Variants in SEPHS1 observed in about 807,000 individuals in gnomAD.
SEPHS1 encodes the protein zincore component SEPHS1.
Under a neutral mutation model 39.2 loss-of-function variants are expected in SEPHS1, and 7 were observed. The ratio of observed to expected loss-of-function variants is 0.18; its 90% CI spans 0.10 to 0.34. The LOEUF (loss-of-function observed/expected upper bound fraction) is 0.34. SEPHS1 is among the 10% of genes least tolerant of loss of function. SEPHS1 has a pLI of 1.00. For missense variants in SEPHS1, 253 were observed against 514.5 expected, an observed-to-expected ratio of 0.49 and a Z score of 4.92; for synonymous variants, 190 against 195.5, an observed-to-expected ratio of 0.97 and a Z score of 0.23.
chr10:13,320,752 G>A (rs1054564699), intron 8 of SEPHS1, among the ~76,000 whole-genome samples: 13 of 152,004 alleles, frequency 8.6e-5, no homozygotes, highest in African/African-American at 1.9e-4. Flanking sequence ...CGCTTGAACC[G>A]GGGAGGGGGA....
At chr10:13,345,183 T>C (rs899687618) in intron 1 of SEPHS1, 155 bp from the exon 2 acceptor site, 8 of 376,344 alleles carry the variant, frequency 2.1e-5, no homozygotes, top group Admixed American at 9.1e-5. Flanking sequence ...TATGACAAAA[T>C]AGATCTTTTC....
chr10:13,334,651 T>G (rs1342700089), intron 4 of SEPHS1, among the ~76,000 whole-genome samples: 1 of 152,062 alleles, frequency 6.6e-6, no homozygotes, highest in East Asian at 1.9e-4. Flanking sequence ...CTGAGGCTGC[T>G]GCAGTGAGCT....
chr10:13,344,423 C>T (rs1833872696), intron 2 of SEPHS1, among the ~76,000 whole-genome samples: 1 of 151,910 alleles, frequency 6.6e-6, no homozygotes, highest in Non-Finnish European at 1.5e-5. Flanking sequence ...GTCAAGAGTA[C>T]CCCTCTTGAT....
chr10:13,338,209 G>C (rs1172693296), intron 3 of SEPHS1, among the ~76,000 whole-genome samples: 1 of 152,176 alleles, frequency 6.6e-6, no homozygotes, highest in Non-Finnish European at 1.5e-5. Flanking sequence ...GCTGGGTTGA[G>C]TGAATTAACC....
chr10:13,335,680 AT>A (rs1038989581), intron 4 of SEPHS1, among the ~76,000 whole-genome samples: 2 of 136,266 alleles, frequency 1.5e-5, no homozygotes, highest in Admixed American at 1.5e-4. Context: ...ACAAAAAAAA[AT>A]ATACACAAAT....
chr10:13,347,239 G>A (rs1311098742), intron 1 of SEPHS1: 4 of 151,844 alleles, frequency 2.6e-5, no homozygotes, highest in Admixed American at 6.6e-5. Flanking sequence ...GGTCAGCGGG[G>A]TGGGCCCGGC....
chr10:13,336,305 C>T lies in SEPHS1; in HGVS notation c.343G>A (p.Gly115Arg). ...ANVLSDLYAM[G>R]VTECDNMLML... ...AGCATATTGTCACATTCCGTGACCCCCATTGCATAGAGGTCACTGAGGACA... is the reference window on the plus strand; with the variant it reads ...AGCATATTGTCACATTCCGTGACCCTCATTGCATAGAGGTCACTGAGGACA... The change falls in exon 4 of 9, where the codon GGG becomes AGG. Residue 115 changes from glycine (G) to arginine (R), a missense_variant. Transcript: ENST00000327347. 1 of 1,614,038 alleles carries T rather than the reference C, an allele frequency of 6.2e-7. No homozygotes were observed. The highest frequency in any genetic ancestry group is 8.5e-7 in the Non-Finnish European group (1 of 1,179,960).
At chr10:13,330,616 G>C (rs2130659284) in intron 5 of SEPHS1, among the ~76,000 whole-genome samples, 1 of 152,176 alleles carries the variant, frequency 6.6e-6, no homozygotes, top group African/African-American at 2.4e-5. Context: ...GGCCTCCTCA[G>C]GTACTCACCC....
At chr10:13,333,528 C>G (rs1013450108) in intron 5 of SEPHS1, among the ~76,000 whole-genome samples, 8 of 151,928 alleles carry the variant, frequency 5.3e-5, no homozygotes, top group African/African-American at 1.9e-4. Context: ...GCAACCTCCA[C>G]CCCTGGGGTT....
chr10:13,344,722 G>C (rs757245816), intron 2 of SEPHS1, 36 bp downstream of exon 2: 24 of 1,389,148 alleles, frequency 1.7e-5, no homozygotes, highest in Admixed American at 7.7e-5. Context: ...TCACTGATTG[G>C]ATCGCAGACC....
intron 7 of SEPHS1, among the ~76,000 whole-genome samples, chr10:13,326,723 G>A (rs1177453738): frequency 6.6e-6 from 1 of 151,908 alleles, no homozygotes; most frequent in Non-Finnish European, 1.5e-5. Context: ...GAGACGAGAT[G>A]GGGTCTCACT....
At chr10:13,347,762 C>T (rs1027508221) in intron 1 of SEPHS1, among the ~76,000 whole-genome samples, 16 of 145,168 alleles carry the variant, frequency 1.1e-4, no homozygotes, top group African/African-American at 4.0e-4. Context: ...GCCCTCCCTC[C>T]CTCCTTCCCC....
intron 8 of SEPHS1, among the ~76,000 whole-genome samples, chr10:13,320,242 T>C (rs544760329): frequency 3.8e-4 from 58 of 151,998 alleles, no homozygotes; most frequent in Middle Eastern, 3.4e-3. Flanking sequence ...ATTGCAGTGG[T>C]GTGATCTCGG....
At chr10:13,322,345 C>G (rs1833143021) in intron 8 of SEPHS1, among the ~76,000 whole-genome samples, 1 of 151,840 alleles carries the variant, frequency 6.6e-6, no homozygotes, top group Non-Finnish European at 1.5e-5. Flanking sequence ...GGGGTTTCAC[C>G]ATGTTGGCCA....
At chr10:13,321,531 G>C (rs1833116514) in intron 8 of SEPHS1, among the ~76,000 whole-genome samples, 2 of 152,130 alleles carry the variant, frequency 1.3e-5, no homozygotes, top group African/African-American at 2.4e-5. Flanking sequence ...GGCCTGGCCG[G>C]CATGTGTATA....
chr10:13,326,021 A>T (rs1833277489), intron 7 of SEPHS1, among the ~76,000 whole-genome samples: 1 of 151,728 alleles, frequency 6.6e-6, no homozygotes, highest in East Asian at 1.9e-4. Context: ...TATTTATAGC[A>T]GTGTGAAAAC....
In SEPHS1 at chr10:13,344,983, C is replaced by T; in HGVS notation, c.-33G>A. 7.1e-7 allele frequency: 1 copy of T among 1,414,070 alleles called. No individual in the cohort carries two copies. Among genetic ancestry groups the T allele is most frequent in the East Asian group, 2.7e-5 (1 of 37,700 alleles). 87.6% of individuals were successfully genotyped at this position (1,414,070 alleles called of 1,614,324 possible). ...GGGCCCCGCTCTCCTCACAGCTCAGCCCCTCCCCTCCCTCTGCGGGTTGGC... is the reference window on the plus strand; with the variant it reads ...GGGCCCCGCTCTCCTCACAGCTCAGTCCCTCCCCTCCCTCTGCGGGTTGGC... On this transcript the variant is annotated 5_prime_UTR_variant, in exon 2 of 9. Transcript: ENST00000327347.
intron 5 of SEPHS1, among the ~76,000 whole-genome samples, chr10:13,330,431 T>C (rs1476168693): frequency 2.0e-5 from 3 of 152,142 alleles, no homozygotes; most frequent in Non-Finnish European, 2.9e-5. Flanking sequence ...GCCTTGGTGG[T>C]CCCTGTCTTA....
At chr10:13,329,860 G>T in intron 5 of SEPHS1, 72 bp from the exon 6 acceptor site, 1 of 1,237,912 alleles carries the variant, frequency 8.1e-7, no homozygotes, top group Non-Finnish European at 1.2e-6. Flanking sequence ...TAACACAAGA[G>T]AAGGAATAAT....
Sources: gnomAD v4.1 joint callset for allele counts (sites outside exome capture counted in the v4.1 genomes callset) on GRCh38, gnomAD v4.1.1 for gene constraint, MANE v1.5 for transcripts, NCBI Gene and HGNC (gene_info 2026-07-23, HGNC 2026-07-21) for gene names.